The following ADAMTSL1 variants were observed in gnomAD, a reference collection of about 807,000 sequenced individuals.
ADAMTSL1 encodes ADAMTS like 1.
A neutral mutation model predicts 201.8 loss-of-function variants in ADAMTSL1; 126 were observed. That is an observed-to-expected ratio of 0.62 (90% CI 0.54 to 0.72). The LOEUF (loss-of-function observed/expected upper bound fraction) is 0.72. ADAMTSL1 is among the 30% of genes least tolerant of loss of function. The probability of loss-of-function intolerance (pLI) is 0.00; values close to 1 mark genes in which losing one functional copy is unlikely to be tolerated. For synonymous variants in ADAMTSL1, 1,121 were observed against 903.4 expected, an observed-to-expected ratio of 1.24 and a Z score of -4.32; for missense variants, 2,679 against 2,277.8, an observed-to-expected ratio of 1.18 and a Z score of -3.59.
At chr9:18,003,187 T>C (rs1819683231) in intron 1 of ADAMTSL1, among the ~76,000 whole-genome samples, 1 of 151,894 alleles carries the variant, frequency 6.6e-6, no homozygotes, top group South Asian at 2.1e-4. Context: ...CATCCTGGAG[T>C]CCTTCCCAGT....
At position 18,049,334 on chromosome 9, in the gene ADAMTSL1, G is replaced by A. The variant is rs144717989; in HGVS notation, c.88-114528G>A. ...CATCCTCTACCAGTGGTGATTTTCA[G>A]CATGAAAATTTGTCAGAATTCTGGC... On this transcript the variant is annotated intron_variant, in intron 1 of 29. Transcript: ENST00000680146. Among the ~76,000 whole-genome samples, 602 of 152,264 alleles carry A rather than the reference G, an allele frequency of 4.0e-3. 5 individuals carry two copies. Among genetic ancestry groups the A allele is most frequent in the African/African-American group, 0.014 (574 of 41,550 alleles).
At position 18,534,895 on chromosome 9, in the gene ADAMTSL1, G is replaced by A. The variant is rs1819663276; in HGVS notation, c.237+1603G>A. 2.0e-5 allele frequency among the ~76,000 whole-genome samples: 3 copies of A among 152,202 alleles called. No individual in the cohort carries two copies. The South Asian group carries it at 6.2e-4, about 32-fold the overall frequency. ...GTCCATCCAGAGGCTGCCTAGAGCA[G>A]GGGGCCACAGACCTGGTCCAGGAAA... On this transcript the variant is annotated intron_variant, in intron 3 of 28. Transcript: ENST00000380548.
At chr9:18,696,438 C>A (rs1446310092) in intron 13 of ADAMTSL1, among the ~76,000 whole-genome samples, 2 of 152,104 alleles carry the variant, frequency 1.3e-5, no homozygotes, top group Non-Finnish European at 2.9e-5. Flanking sequence ...GTAAGATAAC[C>A]AAGATAACCT....
chr9:18,356,439 G>A (rs1261215917), intron 2 of ADAMTSL1, among the ~76,000 whole-genome samples: 1 of 149,600 alleles, frequency 6.7e-6, no homozygotes. Context: ...AAGGCAGGAA[G>A]GTCAATTGAA....
At chr9:17,926,154 C>G (rs1318258096) in intron 1 of ADAMTSL1, among the ~76,000 whole-genome samples, 2 of 152,106 alleles carry the variant, frequency 1.3e-5, no homozygotes, top group Non-Finnish European at 2.9e-5. Flanking sequence ...CATTGTCATA[C>G]TGCTTGTACG....
At chr9:18,192,149 G>T (rs1166612740) in intron 2 of ADAMTSL1, among the ~76,000 whole-genome samples, 3 of 152,024 alleles carry the variant, frequency 2.0e-5, no homozygotes, top group Non-Finnish European at 4.4e-5. Flanking sequence ...TGGATTCTTT[G>T]TTGCTGACCT....
intron 1 of ADAMTSL1, among the ~76,000 whole-genome samples, chr9:17,939,876 G>T (rs1228113232): frequency 6.6e-6 from 1 of 152,106 alleles, no homozygotes; most frequent in Non-Finnish European, 1.5e-5. Flanking sequence ...AGGACATGAA[G>T]GGGGGAGCAA....
chr9:18,182,483 T>G (rs932997423), intron 2 of ADAMTSL1, among the ~76,000 whole-genome samples: 1 of 152,114 alleles, frequency 6.6e-6, no homozygotes, highest in Non-Finnish European at 1.5e-5. Flanking sequence ...GACAATAGTT[T>G]AAAAAAGAGT....
chr9:18,214,029 C>T (rs1305066526), intron 2 of ADAMTSL1, among the ~76,000 whole-genome samples: 2 of 152,058 alleles, frequency 1.3e-5, no homozygotes, highest in African/African-American at 2.4e-5. Context: ...GAGCCACCGC[C>T]CCTCGCCCAA....
chr9:18,452,515 A>C (rs1021746078), intron 2 of ADAMTSL1, among the ~76,000 whole-genome samples: 1 of 152,218 alleles, frequency 6.6e-6, no homozygotes, highest in African/African-American at 2.4e-5. Context: ...TCCAAAGTCC[A>C]AAGTCTAATC....
intron 1 of ADAMTSL1, among the ~76,000 whole-genome samples, chr9:18,501,872 T>C (rs1312078908): frequency 6.6e-6 from 1 of 152,202 alleles, no homozygotes; most frequent in Middle Eastern, 3.2e-3. Flanking sequence ...GCACTTAATA[T>C]GTGTAGTTGT....
chr9:18,764,911 G>A (rs1324172585), intron 16 of ADAMTSL1, among the ~76,000 whole-genome samples: 2 of 152,152 alleles, frequency 1.3e-5, no homozygotes, highest in Non-Finnish European at 2.9e-5. Flanking sequence ...CTTAAATCAA[G>A]TCCTATCTGC....
chr9:18,339,312 T>G (rs1309794281), intron 2 of ADAMTSL1, among the ~76,000 whole-genome samples: 1 of 152,160 alleles, frequency 6.6e-6, no homozygotes, highest in African/African-American at 2.4e-5. Context: ...CAGACACTTT[T>G]CAAAAGATGA....
intron 2 of ADAMTSL1, among the ~76,000 whole-genome samples, chr9:18,199,585 A>G (rs569323699): frequency 1.7e-4 from 26 of 152,284 alleles, no homozygotes; most frequent in African/African-American, 5.3e-4. Flanking sequence ...GAAGCTTTCA[A>G]TAGCTCTTAA....
intron 23 of ADAMTSL1, among the ~76,000 whole-genome samples, chr9:18,865,163 T>C (rs944414920): frequency 2.0e-5 from 3 of 152,120 alleles, no homozygotes; most frequent in Non-Finnish European, 2.9e-5. Flanking sequence ...TAACATTAGG[T>C]ATATCTCCTA....
chr9:18,646,287 G>T (rs1308044024), intron 7 of ADAMTSL1, among the ~76,000 whole-genome samples: 3 of 152,036 alleles, frequency 2.0e-5, no homozygotes, highest in Non-Finnish European at 2.9e-5. Flanking sequence ...AGGAGATTTT[G>T]GGCTGAGACA....
intron 23 of ADAMTSL1, among the ~76,000 whole-genome samples, chr9:18,841,678 T>G (rs1825724112): frequency 6.6e-6 from 1 of 152,264 alleles, no homozygotes; most frequent in South Asian, 2.1e-4. Context: ...GGACTGTTTT[T>G]GGTTGGTAAG....
chr9:18,217,906 C>T (rs1404017469), intron 2 of ADAMTSL1, among the ~76,000 whole-genome samples: 1 of 151,932 alleles, frequency 6.6e-6, no homozygotes. Context: ...GTGAGTAGCC[C>T]ACCCAACTTG....
chr9:18,471,886 T>C (rs774332581), upstream of ADAMTSL1, among the ~76,000 whole-genome samples: 2 of 152,246 alleles, frequency 1.3e-5, no homozygotes, highest in African/African-American at 2.4e-5. Context: ...CAGTATTTAT[T>C]TGCAAAGCAG....
Sources: gnomAD v4.1 joint callset for allele counts (sites outside exome capture counted in the v4.1 genomes callset) on GRCh38, gnomAD v4.1.1 for gene constraint, MANE v1.5 for transcripts, NCBI Gene and HGNC (gene_info 2026-07-23, HGNC 2026-07-21) for gene names.